Variants in ZBTB25 observed in about 807,000 individuals in gnomAD.
ZBTB25 encodes the protein zinc finger and BTB domain-containing protein 25.
Under a neutral mutation model 34.2 loss-of-function variants are expected in ZBTB25, and 20 were observed. That is an observed-to-expected ratio of 0.58 (90% CI 0.41 to 0.85). The LOEUF (loss-of-function observed/expected upper bound fraction) is 0.85, where lower values mean the gene tolerates loss of function less well. ZBTB25 is among the 40% of genes least tolerant of loss of function. The pLI, the probability that ZBTB25 is intolerant of heterozygous loss-of-function variation, is 0.00. For synonymous variants in ZBTB25, 175 were observed against 186.4 expected, an observed-to-expected ratio of 0.94 and a Z score of 0.50; for missense variants, 437 against 521.8, an observed-to-expected ratio of 0.84 and a Z score of 1.58.
intron 1 of ZBTB25, among the ~76,000 whole-genome samples, chr14:64,491,125 A>G (rs1030056485): frequency 2.0e-5 from 3 of 152,170 alleles, no homozygotes; most frequent in Non-Finnish European, 4.4e-5. Flanking sequence ...CTCTTAAAAT[A>G]GATGTCAAGC....
upstream of ZBTB25, among the ~76,000 whole-genome samples, chr14:64,504,261 CGGG>C (rs200908965): frequency 9.9e-6 from 1 of 101,252 alleles, no homozygotes; most frequent in East Asian, 2.9e-4. Context: ...AAGGTGGGGT[CGGG>C]GGGGCGCGGG....
intron 1 of ZBTB25, among the ~76,000 whole-genome samples, chr14:64,492,197 A>ATATTATTAT (rs60636820): frequency 2.1e-4 from 29 of 135,498 alleles, no homozygotes; most frequent in East Asian, 4.2e-4. Flanking sequence ...TCCCCAAGTT[A>ATATTATTAT]TATTATTATT....
chr14:64,485,390 T>C lies in ZBTB25; in HGVS notation c.*1533A>G, dbSNP rs890206725. 1.0e-6 allele frequency: 1 copy of C among 985,352 alleles called. No homozygotes were observed. The highest frequency in any genetic ancestry group is 1.7e-5 in the African/African-American group (1 of 57,250). The allele number at this position is 985,352 out of a possible 1,614,324, so 61.0% of individuals were successfully genotyped here. A position where few individuals can be genotyped will look rare whatever the true frequency, so the allele number is the denominator to read the frequency against. The stretch of plus-strand genomic sequence containing the variant: ...AAAAAAAGATGAGTCTGTTTTATTA[T>C]CCTTGACTATGCGGGGTTTGAAATT... On this transcript the variant is annotated 3_prime_UTR_variant, in exon 3 of 3. Coordinates refer to ENST00000608382, the MANE Select transcript of ZBTB25 (RefSeq NM_006977.5).
At chr14:64,472,910 C>T (rs1269547267) in intron 2 of ZBTB25, 3 of 166,934 alleles carry the variant, frequency 1.8e-5, no homozygotes, top group Non-Finnish European at 4.4e-5. Flanking sequence ...CATGAATTTT[C>T]TTTACATTTG....
At chr14:64,501,348 C>T (rs1339673969) in intron 1 of ZBTB25, among the ~76,000 whole-genome samples, 1 of 152,120 alleles carries the variant, frequency 6.6e-6, no homozygotes, top group Non-Finnish European at 1.5e-5. Flanking sequence ...AGGAAAAATC[C>T]TAAGCTTAGG....
In ZBTB25 at chr14:64,486,909, T is replaced by C. The variant is rs748043938; in HGVS notation, c.*14A>G. 22 of 1,538,984 alleles carry C rather than the reference T, an allele frequency of 1.4e-5. No homozygotes were observed. Among genetic ancestry groups the C allele is most frequent in the Non-Finnish European group, 1.7e-5 (20 of 1,143,156 alleles). The stretch of plus-strand genomic sequence containing the variant: ...TTTTTCAGAATTGGTATAAAAATTC[T>C]GAAAGAGAAGCTGCTACTCAACTAG... On this transcript the variant is annotated 3_prime_UTR_variant, in exon 3 of 3. Coordinates refer to ENST00000608382, the MANE Select transcript of ZBTB25 (RefSeq NM_006977.5).
rs766253154 is a variant in ZBTB25, at chr14:64,486,947, A to G, written c.1284T>C (p.Asn428=). The G allele has an allele frequency of 3.1e-6, 5 of 1,611,444 alleles. No individual in the cohort carries two copies. The South Asian group carries it at 5.5e-5, about 18-fold the overall frequency. ...GCTACTCAACTAGGATAGTATCCAC[A>G]TTTTCTTGTGTGAGCTCTGACTCTA... ...CALESELTQE[N]VDTILVE is the part of the protein sequence containing the mutation. The change falls in exon 3 of 3, where the codon AAT becomes AAC. Residue 428 remains asparagine (N), a synonymous_variant. Coordinates refer to ENST00000608382, the MANE Select transcript of ZBTB25 (RefSeq NM_006977.5).
Position 64,486,350 on chromosome 14 carries a change from G to A in ZBTB25, c.*573C>T. ...ATGTTAAAAAGTAAAGAGAAGCCAT[G>A]TAGGTAAGATGTTGTGGAGCTAGTA... On this transcript the variant is annotated 3_prime_UTR_variant, in exon 3 of 3. Coordinates refer to ENST00000608382, the MANE Select transcript of ZBTB25 (RefSeq NM_006977.5). 2 of 985,278 alleles carry A rather than the reference G, an allele frequency of 2.0e-6. No individual in the cohort carries two copies. The highest frequency in any genetic ancestry group is 2.4e-6 in the Non-Finnish European group (2 of 829,872). 61.0% of individuals were successfully genotyped at this position (985,278 alleles called of 1,614,324 possible). A position where few individuals can be genotyped will look rare whatever the true frequency, so the allele number is the denominator to read the frequency against.
chr14:64,485,379 C>T lies in ZBTB25; in HGVS notation c.*1544G>A. The T allele has an allele frequency of 3.0e-6, 3 of 985,394 alleles. No individual in the cohort carries two copies. Among genetic ancestry groups the T allele is most frequent in the Middle Eastern group, 5.2e-4 (1 of 1,914 alleles). 61.0% of individuals were successfully genotyped at this position (985,394 alleles called of 1,614,324 possible). ...AACAAGAGGGCAAAAAAAGATGAGT[C>T]TGTTTTATTATCCTTGACTATGCGG... On this transcript the variant is annotated 3_prime_UTR_variant, in exon 3 of 3. Transcript: ENST00000608382.
At chr14:64,504,912 TA>T, upstream of ZBTB25, 1 of 395,724 alleles carries the variant, frequency 2.5e-6, no homozygotes, top group Non-Finnish European at 4.5e-6. Flanking sequence ...TTAAACTCCC[TA>T]AAATCTCCGC....
At chr14:64,502,732 AGG>A in intron 1 of ZBTB25, 2 of 984,658 alleles carry the variant, frequency 2.0e-6, no homozygotes, top group Non-Finnish European at 2.4e-6. Flanking sequence ...GCAATCACCA[AGG>A]TGTCTGGAGC....
At chr14:64,497,027 G>C (rs1424637894) in intron 1 of ZBTB25, among the ~76,000 whole-genome samples, 1 of 152,154 alleles carries the variant, frequency 6.6e-6, no homozygotes, top group Non-Finnish European at 1.5e-5. Context: ...TCAAGACTGA[G>C]TTTAAACCCA....
intron 2 of ZBTB25, chr14:64,461,573 C>CTTTTTTTTTTTTTT (rs10690989): frequency 1.1e-5 from 1 of 94,998 alleles, no homozygotes. Flanking sequence ...TTTTTTTTTC[C>CTTTTTTTTTTTTTT]TTTTTTTTTT....
downstream of ZBTB25, among the ~76,000 whole-genome samples, chr14:64,475,485 A>C (rs1024807351): frequency 6.8e-6 from 1 of 147,424 alleles, no homozygotes. Context: ...AAAAAAAAAA[A>C]AGATACACTA....
chr14:64,497,755 A>G (rs2079327980), intron 1 of ZBTB25, among the ~76,000 whole-genome samples: 1 of 152,232 alleles, frequency 6.6e-6, no homozygotes, highest in African/African-American at 2.4e-5. Context: ...ATGTATTTAG[A>G]AAAATCTACT....
At chr14:64,472,186 A>G (rs1018742778) in intron 2 of ZBTB25, 2 of 167,082 alleles carry the variant, frequency 1.2e-5, no homozygotes, top group African/African-American at 4.8e-5. Flanking sequence ...ATGTGGTGCT[A>G]ATGGACTTGG....
chr14:64,500,640 C>T (rs1404362879), intron 1 of ZBTB25, among the ~76,000 whole-genome samples: 2 of 151,748 alleles, frequency 1.3e-5, no homozygotes, highest in African/African-American at 2.4e-5. Context: ...ACTAAAAATA[C>T]AAAAATTAGT....
At chr14:64,472,914 A>G (rs2078689633) in intron 2 of ZBTB25, 1 of 167,050 alleles carries the variant, frequency 6.0e-6, no homozygotes, top group African/African-American at 2.4e-5. Flanking sequence ...AATTTTCTTT[A>G]CATTTGCTGT....
chr14:64,505,028 CG>C, upstream of ZBTB25: 1 of 382,532 alleles, frequency 2.6e-6, no homozygotes. Context: ...TGGCGGAGTG[CG>C]GGGCCGGAGG....
Sources: allele counts gnomAD v4.1 joint callset (sites outside exome capture counted in the v4.1 genomes callset), GRCh38; gene constraint gnomAD v4.1.1; transcripts MANE v1.5; gene names NCBI Gene and HGNC (gene_info 2026-07-23, HGNC 2026-07-21).